MGLL: variants seen among roughly 807,000 people sequenced by gnomAD.
MGLL encodes the protein monoglyceride lipase, also known as lysophospholipase homolog.
Under a neutral mutation model 29.1 loss-of-function variants are expected in MGLL, and 7 were observed. That is an observed-to-expected ratio of 0.24 (90% CI 0.14 to 0.45). MGLL has a LOEUF of 0.45. Ranked by LOEUF, MGLL falls within the 20% of genes least tolerant of loss-of-function variation. The probability of loss-of-function intolerance (pLI) is 0.99; values close to 1 mark genes in which losing one functional copy is unlikely to be tolerated. For synonymous variants in MGLL, 148 were observed against 168.3 expected (o/e 0.88, Z 0.93); for missense variants, 356 against 413.6 (o/e 0.86, Z 1.21).
At chr3:127,785,192 C>G (rs1381199509) in intron 2 of MGLL, among the ~76,000 whole-genome samples, 1 of 152,154 alleles carries the variant, frequency 6.6e-6, no homozygotes, top group East Asian at 1.9e-4. Flanking sequence ...AGACCTTCCC[C>G]CCTCCTTCCC....
At chr3:127,798,545 T>C (rs1016474434) in intron 2 of MGLL, among the ~76,000 whole-genome samples, 1 of 152,150 alleles carries the variant, frequency 6.6e-6, no homozygotes, top group African/African-American at 2.4e-5. Flanking sequence ...TTCTCTTGGA[T>C]TTGTTCTTTC....
chr3:127,747,556 C>A (rs2076471839), intron 3 of MGLL, among the ~76,000 whole-genome samples: 1 of 152,206 alleles, frequency 6.6e-6, no homozygotes, highest in Non-Finnish European at 1.5e-5. Flanking sequence ...AGGACAAGAG[C>A]TTGTGGTTTC....
intron 6 of MGLL, among the ~76,000 whole-genome samples, chr3:127,704,909 G>T (rs1317682594): frequency 6.6e-6 from 1 of 152,144 alleles, no homozygotes; most frequent in East Asian, 1.9e-4. Context: ...CTATTATAAA[G>T]ATACATGCAC....
At chr3:127,699,706 G>A (rs1039181948) in intron 6 of MGLL, among the ~76,000 whole-genome samples, 1 of 152,270 alleles carries the variant, frequency 6.6e-6, no homozygotes, top group South Asian at 2.1e-4. Context: ...TCAGTGCTGG[G>A]GCATAGACAG....
chr3:127,735,579 T>C (rs1052885434), intron 3 of MGLL: 5 of 1,023,578 alleles, frequency 4.9e-6, no homozygotes, highest in African/African-American at 4.8e-5. Flanking sequence ...CTCATACTTA[T>C]GTGATAAACA....
intron 5 of MGLL, chr3:127,716,007 A>C (rs1576494538): frequency 2.8e-6 from 1 of 358,552 alleles, no homozygotes; most frequent in Non-Finnish European, 5.5e-6. Context: ...TTGAGGTGAG[A>C]CCCCCCGCAC....
In MGLL at chr3:127,776,509, G is replaced by A. The variant is rs943364479; in HGVS notation, c.262+5280C>T. On this transcript the variant is annotated intron_variant, in intron 3 of 7. Transcript: ENST00000265052. ...AAGCTCCCACTCTCCGACAAGACCC[G>A]GCCATCCTGCCAGCCACCCTTCTGG... Among the ~76,000 whole-genome samples, 12 of 152,178 alleles carry A rather than the reference G, an allele frequency of 7.9e-5. 1 individual carries two copies. Among genetic ancestry groups the A allele is most frequent in the Admixed American group, 5.9e-4 (9 of 15,286 alleles).
intron 3 of MGLL, among the ~76,000 whole-genome samples, chr3:127,725,630 T>C (rs77700634): frequency 2.4e-4 from 37 of 152,314 alleles, no homozygotes; most frequent in East Asian, 1.9e-3. Context: ...AGCTTCTTAC[T>C]ACAAAACTTT....
At chr3:127,752,830 C>T (rs555489426) in intron 3 of MGLL, among the ~76,000 whole-genome samples, 6 of 152,178 alleles carry the variant, frequency 3.9e-5, no homozygotes, top group African/African-American at 1.4e-4. Flanking sequence ...ATCTCTTCCC[C>T]GAGCCTGAAA....
chr3:127,779,850 G>A (rs1474007589), intron 3 of MGLL, among the ~76,000 whole-genome samples: 3 of 152,106 alleles, frequency 2.0e-5, no homozygotes, highest in African/African-American at 7.2e-5. Context: ...TACCTGCATC[G>A]CCAGCCTGCA....
intron 3 of MGLL, among the ~76,000 whole-genome samples, chr3:127,733,760 C>G (rs1397954166): frequency 6.6e-6 from 1 of 152,210 alleles, no homozygotes; most frequent in Non-Finnish European, 1.5e-5. Context: ...CTTCATCCAC[C>G]AACTCCATGC....
intron 6 of MGLL, among the ~76,000 whole-genome samples, chr3:127,697,363 C>A (rs567822720): frequency 2.6e-5 from 4 of 152,360 alleles, no homozygotes; most frequent in African/African-American, 9.6e-5. Flanking sequence ...TACATCTGAG[C>A]TCTGGCTGTC....
At chr3:127,692,958 C>T (rs949796565) in intron 7 of MGLL, among the ~76,000 whole-genome samples, 5 of 152,240 alleles carry the variant, frequency 3.3e-5, no homozygotes, top group African/African-American at 1.2e-4. Context: ...TTCACTCTCC[C>T]TGGTCACCTT....
chr3:127,699,088 C>T (rs76170078), intron 6 of MGLL, among the ~76,000 whole-genome samples: 8,749 of 152,338 alleles, frequency 0.057, 387 homozygotes, highest in Non-Finnish European at 0.094. Flanking sequence ...TAAGGCTCTA[C>T]GCCTTCCTGG....
At chr3:127,740,796 G>A (rs565616522) in intron 3 of MGLL, among the ~76,000 whole-genome samples, 9 of 152,356 alleles carry the variant, frequency 5.9e-5, no homozygotes, top group African/African-American at 1.7e-4. Flanking sequence ...CCGTGTCGAC[G>A]TAGTGTGGGG....
intron 6 of MGLL, among the ~76,000 whole-genome samples, chr3:127,709,504 G>A (rs564297860): frequency 5.1e-4 from 78 of 152,226 alleles, no homozygotes; most frequent in African/African-American, 1.9e-3. Flanking sequence ...CACTCTCTAA[G>A]TGACTCAGAG....
chr3:127,807,127 T>C (rs1022550440), intron 2 of MGLL, among the ~76,000 whole-genome samples: 8 of 152,216 alleles, frequency 5.3e-5, no homozygotes, highest in African/African-American at 1.9e-4. Context: ...TGGGTTTTTC[T>C]TTGTTGGTAG....
rs115963301 is a variant in MGLL at position 127,770,703 on chromosome 3, C to T, written c.262+11086G>A. 3.0e-3 allele frequency among the ~76,000 whole-genome samples: 462 copies of T among 152,304 alleles called. 5 individuals are homozygous for T. The highest frequency in any genetic ancestry group is 0.01 in the African/African-American group (433 of 41,558). On this transcript the variant is annotated intron_variant, in intron 3 of 7. Coordinates refer to ENST00000265052, the MANE Select transcript of MGLL (RefSeq NM_007283.7). ...ATAGTCTCCAGGAGGCAGGGCTGTA[C>T]GGAGCAAAACCAGGCCACAAAACCC...
rs572384724 is a variant in MGLL at position 127,804,140 on chromosome 3, C to G, written c.155+17554G>C. 3.3e-5 allele frequency among the ~76,000 whole-genome samples: 5 copies of G among 152,266 alleles called. No individual in the cohort carries two copies. The South Asian group carries it at 1.0e-3, about 32-fold the overall frequency. ...GCCGCTATGAAAATCACAAAGGTGGCGTGTAAACAATCAAGGTTTGGGAAA... is the reference window on the plus strand; with the variant it reads ...GCCGCTATGAAAATCACAAAGGTGGGGTGTAAACAATCAAGGTTTGGGAAA... On this transcript the variant is annotated intron_variant, in intron 2 of 7. Transcript: ENST00000265052.
Sources: gnomAD v4.1 joint callset for allele counts (sites outside exome capture counted in the v4.1 genomes callset) on GRCh38, gnomAD v4.1.1 for gene constraint, MANE v1.5 for transcripts, NCBI Gene and HGNC (gene_info 2026-07-23, HGNC 2026-07-21) for gene names.